EGF: variants seen among roughly 807,000 people sequenced by gnomAD.
The protein encoded by EGF is epidermal growth factor, also known as pro-epidermal growth factor.
EGF carries 95 observed loss-of-function variants against 143.8 expected under a neutral mutation model. The ratio of observed to expected loss-of-function variants is 0.66; its 90% confidence interval spans 0.56 to 0.78. The LOEUF (loss-of-function observed/expected upper bound fraction) is 0.78. Ranked by LOEUF, EGF falls within the 30% of genes least tolerant of loss-of-function variation. EGF has a pLI of 0.00. For synonymous variants in EGF, 510 were observed against 510.5 expected (o/e 1.00, Z 0.01); for missense variants, 1,320 against 1,470.9 (o/e 0.90, Z 1.68).
Position 109,913,424 on chromosome 4 carries a change from A to G in EGF, c.89A>G (p.Glu30Gly). The change falls in exon 1 of 24, where the codon GAA (glutamate) becomes GGA (glycine). Residue 30 changes from glutamate (E) to glycine (G), a missense_variant. Physicochemically the swap from Glu to Gly is moderately conservative, Grantham distance 98. Coordinates refer to ENST00000265171, the MANE Select transcript of EGF (RefSeq NM_001963.6). ...GCACCGCAGCACTGGAGCTGTCCTG[A>G]AGGTACTCTCGCAGGAAATGGGAAT... ...LSAPQHWSCP[E>G]GTLAGNGNST... 6.2e-7 allele frequency: 1 copy of G among 1,613,926 alleles called. No homozygotes were observed. The highest frequency in any genetic ancestry group is 1.1e-5 in the South Asian group (1 of 91,068).
chr4:109,959,948 T>C (rs1745420662), intron 6 of EGF, among the ~76,000 whole-genome samples: 3 of 152,220 alleles, frequency 2.0e-5, no homozygotes, highest in Admixed American at 1.3e-4. Flanking sequence ...AGAAATACTA[T>C]GTCCTTTTTC....
At chr4:109,946,391 T>C (rs1579561083) in intron 5 of EGF, among the ~76,000 whole-genome samples, 1 of 152,340 alleles carries the variant, frequency 6.6e-6, no homozygotes, top group South Asian at 2.1e-4. Context: ...GTGCAAGTCT[T>C]GCTATAACTC....
chr4:110,002,191 CAA>C (rs1752653624), intron 21 of EGF, among the ~76,000 whole-genome samples: 1 of 152,142 alleles, frequency 6.6e-6, no homozygotes, highest in Non-Finnish European at 1.5e-5. Flanking sequence ...CTGTGTCTCT[CAA>C]AGGATTAATT....
intron 13 of EGF, among the ~76,000 whole-genome samples, 185 bp from the exon 14 acceptor site, chr4:109,979,787 G>A (rs948234997): frequency 3.9e-5 from 6 of 152,118 alleles, no homozygotes; most frequent in East Asian, 1.9e-4. Flanking sequence ...CTAAGGTGAC[G>A]TTCCCTCCTC....
At chr4:109,917,035 C>G (rs1220111333) in intron 1 of EGF, among the ~76,000 whole-genome samples, 1 of 151,968 alleles carries the variant, frequency 6.6e-6, no homozygotes, top group Non-Finnish European at 1.5e-5. Flanking sequence ...TTTCTTATAC[C>G]AACTGATAAA....
intron 5 of EGF, among the ~76,000 whole-genome samples, chr4:109,948,524 G>A (rs956749331): frequency 5.3e-5 from 8 of 151,872 alleles, no homozygotes; most frequent in Admixed American, 3.9e-4. Context: ...TGGCTCTGTT[G>A]CCCAGGCTGG....
At chr4:109,959,256 G>T in intron 5 of EGF, 56 bp from the exon 6 acceptor site, 1 of 1,611,134 alleles carries the variant, frequency 6.2e-7, no homozygotes, top group South Asian at 1.1e-5. Context: ...AAAAGATTTA[G>T]CAGTGTCCTC....
chr4:109,971,167 A>G (rs1349960386), intron 11 of EGF, among the ~76,000 whole-genome samples: 1 of 152,164 alleles, frequency 6.6e-6, no homozygotes, highest in Non-Finnish European at 1.5e-5. Context: ...TGTAATTGGA[A>G]CTCAAAGATG....
rs1206237423 is a variant in EGF, at chr4:109,983,410, G to C, written c.2372-12G>C. 6.2e-7 allele frequency: 1 copy of C among 1,612,824 alleles called. No individual in the cohort carries two copies. Among genetic ancestry groups the C allele is most frequent in the African/African-American group, 1.3e-5 (1 of 74,962 alleles). Reference sequence around the variant, plus strand: ...AAAGCTAAATTTAATTGCATCTATTGACCTTCAATAGGTGGTGAAGTTGAT... The same window carrying C: ...AAAGCTAAATTTAATTGCATCTATTCACCTTCAATAGGTGGTGAAGTTGAT... On this transcript the variant is annotated splice_polypyrimidine_tract_variant and intron_variant, in intron 15 of 23. Coordinates refer to ENST00000265171, the MANE Select transcript of EGF (RefSeq NM_001963.6).
intron 6 of EGF, 60 bp downstream of exon 6, chr4:109,959,497 T>C (rs1745348621): frequency 1.2e-6 from 2 of 1,610,328 alleles, no homozygotes; most frequent in East Asian, 2.2e-5. Context: ...GGAGGAATGC[T>C]CAACTGAGCC....
intron 17 of EGF, 127 bp downstream of exon 17, chr4:109,987,987 T>C: frequency 2.6e-6 from 2 of 774,042 alleles, no homozygotes; most frequent in South Asian, 1.5e-5. Flanking sequence ...TTATTTGATG[T>C]TAGCTAAAAA....
intron 11 of EGF, among the ~76,000 whole-genome samples, chr4:109,972,493 T>G (rs756565782): frequency 5.9e-5 from 9 of 152,126 alleles, no homozygotes; most frequent in Non-Finnish European, 1.0e-4. Context: ...TCATCTCCCC[T>G]GGTCACAAGC....
At chr4:109,979,947 T>C (rs1749084717) in intron 13 of EGF, 25 bp from the exon 14 acceptor site, 25 of 1,613,628 alleles carry the variant, frequency 1.5e-5, no homozygotes, top group Non-Finnish European at 2.1e-5. Flanking sequence ...AGAAGGTGTA[T>C]TTAACAAACT....
Position 109,945,276 on chromosome 4 carries a change from G to A in EGF, c.940+1G>A. On this transcript the variant is annotated splice_donor_variant, in intron 5 of 23. Transcript: ENST00000265171. LOFTEE classifies it high-confidence loss of function. Reference sequence around the variant, plus strand: ...GCAGAAGATGACACTTGGGAGCCTGGTGAGTCATCGTTGACCTTGCGCAGG... The same window carrying A: ...GCAGAAGATGACACTTGGGAGCCTGATGAGTCATCGTTGACCTTGCGCAGG... 6.2e-7 allele frequency: 1 copy of A among 1,613,160 alleles called. No individual in the cohort carries two copies. Among genetic ancestry groups the A allele is most frequent in the Non-Finnish European group, 8.5e-7 (1 of 1,179,484 alleles).
intron 5 of EGF, among the ~76,000 whole-genome samples, chr4:109,956,932 G>A (rs1021170514): frequency 6.6e-6 from 1 of 152,184 alleles, no homozygotes; most frequent in Non-Finnish European, 1.5e-5. Context: ...TTAGGCCAGT[G>A]TTTCTGAAAG....
chr4:109,913,599 A>G (rs2125914365), intron 1 of EGF, 137 bp downstream of exon 1: 1 of 1,265,958 alleles, frequency 7.9e-7, no homozygotes, highest in East Asian at 2.6e-5. Flanking sequence ...TTGTTTTCTG[A>G]TGCATGTTTA....
chr4:109,995,480 G>A (rs11569090), intron 20 of EGF, among the ~76,000 whole-genome samples: 1,844 of 152,192 alleles, frequency 0.012, 91 homozygotes, highest in Admixed American at 0.087. Context: ...AGTGGGTAAC[G>A]TGTCAACCTG....
chr4:110,002,773 C>A (rs1283186475), intron 21 of EGF, among the ~76,000 whole-genome samples: 2 of 151,964 alleles, frequency 1.3e-5, no homozygotes, highest in Non-Finnish European at 2.9e-5. Flanking sequence ...GTATTAAGCC[C>A]AGTACCCAAC....
At chr4:109,935,278 TC>T (rs200835281) in intron 1 of EGF, among the ~76,000 whole-genome samples, 2,756 of 152,296 alleles carry the variant, frequency 0.018, 79 homozygotes, top group African/African-American at 0.061. Context: ...GTTCTTCACA[TC>T]CCTTATAAGT....
Sources: gnomAD v4.1 joint callset for allele counts (sites outside exome capture counted in the v4.1 genomes callset) on GRCh38, gnomAD v4.1.1 for gene constraint, MANE v1.5 for transcripts, NCBI Gene and HGNC (gene_info 2026-07-23, HGNC 2026-07-21) for gene names.